Variants in ITGAE observed in about 807,000 individuals in gnomAD.
The protein encoded by ITGAE is integrin alpha-E.
A neutral mutation model predicts 136.5 loss-of-function variants in ITGAE; 99 were observed. The ratio of observed to expected loss-of-function variants is 0.73; its 90% CI spans 0.62 to 0.86. The LOEUF (loss-of-function observed/expected upper bound fraction) is 0.86. Ranked by LOEUF, ITGAE falls within the 40% of genes least tolerant of loss-of-function variation. The pLI, the probability that ITGAE is intolerant of heterozygous loss-of-function variation, is 0.00. For synonymous variants in ITGAE, 613 were observed against 591.8 expected (o/e 1.04, Z -0.52); for missense variants, 1,447 against 1,515.3 (o/e 0.95, Z 0.75).
chr17:3,737,184 A>C (rs80083807), intron 20 of ITGAE, among the ~76,000 whole-genome samples: 6 of 152,112 alleles, frequency 3.9e-5, no homozygotes, highest in Non-Finnish European at 7.4e-5. Flanking sequence ...TCCCAGCTAC[A>C]CAGGAGGCTG....
chr17:3,772,656 G>T (rs935660877), intron 2 of ITGAE, among the ~76,000 whole-genome samples: 2 of 152,048 alleles, frequency 1.3e-5, no homozygotes, highest in Admixed American at 1.3e-4. Flanking sequence ...TAGGGACAAG[G>T]CTTCAGCATA....
intron 19 of ITGAE, among the ~76,000 whole-genome samples, chr17:3,741,570 CTT>C (rs2051590084): frequency 6.6e-6 from 1 of 152,118 alleles, no homozygotes. Flanking sequence ...TTAAAAATCT[CTT>C]TGCCATAGCA....
rs1457410739 is a variant in ITGAE at position 3,724,496 on chromosome 17, C to A, written c.3085-752G>T. On this transcript the variant is annotated intron_variant, in intron 26 of 30. Coordinates refer to ENST00000263087, the MANE Select transcript of ITGAE (RefSeq NM_002208.5). ...CCCCAACGCCAAGGGACAGTGTCATCTCGATCGGCACCTCCGCCTGTCTGG... is the reference window on the plus strand; with the variant it reads ...CCCCAACGCCAAGGGACAGTGTCATATCGATCGGCACCTCCGCCTGTCTGG... 1.9e-6 allele frequency: 3 copies of A among 1,613,882 alleles called. No homozygotes were observed. The East Asian group carries it at 6.7e-5, about 36-fold the overall frequency.
chr17:3,749,549 G>A (rs1390800079), intron 16 of ITGAE, among the ~76,000 whole-genome samples: 1 of 152,040 alleles, frequency 6.6e-6, no homozygotes, highest in Non-Finnish European at 1.5e-5. Context: ...ACTGCGCCCA[G>A]CAAAAGCTCT....
intron 10 of ITGAE, among the ~76,000 whole-genome samples, chr17:3,756,548 T>G (rs2052031903): frequency 1.3e-5 from 2 of 152,012 alleles, no homozygotes; most frequent in Non-Finnish European, 2.9e-5. Flanking sequence ...ATCACAGGCA[T>G]GCACCACCAC....
chr17:3,721,985 G>T (rs2051061100), intron 28 of ITGAE, among the ~76,000 whole-genome samples: 1 of 151,924 alleles, frequency 6.6e-6, no homozygotes, highest in Non-Finnish European at 1.5e-5. Flanking sequence ...TTCAAGACCA[G>T]CCTCACCAAC....
intron 3 of ITGAE, among the ~76,000 whole-genome samples, chr17:3,762,852 G>A (rs2052209013): frequency 6.6e-6 from 1 of 151,254 alleles, no homozygotes; most frequent in South Asian, 2.1e-4. Flanking sequence ...GCCCACCTCA[G>A]CCTCCCAAAG....
At chr17:3,728,267 A>G (rs2051261173) in intron 24 of ITGAE, 99 bp from the exon 25 acceptor site, 11 of 919,806 alleles carry the variant, frequency 1.2e-5, no homozygotes, top group Admixed American at 3.4e-5. Context: ...ACAGTGGAAC[A>G]ATCATGGCTC....
intron 2 of ITGAE, among the ~76,000 whole-genome samples, chr17:3,769,635 C>T (rs755736601): frequency 6.6e-6 from 1 of 152,096 alleles, no homozygotes; most frequent in South Asian, 2.1e-4. Flanking sequence ...TACAGCCCAG[C>T]AACCCTTGTC....
intron 2 of ITGAE, among the ~76,000 whole-genome samples, chr17:3,772,756 G>A (rs922534531): frequency 4.6e-5 from 7 of 152,054 alleles, no homozygotes; most frequent in Admixed American, 4.6e-4. Flanking sequence ...GAGCCACCGC[G>A]CCTGGCAGTG....
rs776730369 is a variant in ITGAE, at chr17:3,734,805, C to T, written c.2655+12G>A. ...GTGAGGGACCTGTTTCCACAGCCACCGTCACAGTCACCTTTTGCATCCTCT... is the reference window on the plus strand; with the variant it reads ...GTGAGGGACCTGTTTCCACAGCCACTGTCACAGTCACCTTTTGCATCCTCT... On this transcript the variant is annotated intron_variant, in intron 21 of 30. Transcript: ENST00000263087. 8 of 1,613,892 alleles carry T rather than the reference C, an allele frequency of 5.0e-6. No individual in the cohort carries two copies. Among genetic ancestry groups the T allele is most frequent in the East Asian group, 4.5e-5 (2 of 44,882 alleles).
chr17:3,720,603 A>G, intron 28 of ITGAE: 1 of 397,484 alleles, frequency 2.5e-6, no homozygotes, highest in Non-Finnish European at 4.5e-6. Context: ...TTTTTTTGAG[A>G]TGGAGTTTCG....
In ITGAE at chr17:3,755,169, G is replaced by C; in HGVS notation, c.1332C>G (p.Asn444Lys). 1 of 1,540,192 alleles carries C rather than the reference G, an allele frequency of 6.5e-7. No individual in the cohort carries two copies. Among genetic ancestry groups the C allele is most frequent in the African/African-American group, 1.4e-5 (1 of 71,608 alleles). Residue 444 changes from asparagine (N) to lysine (K), a missense_variant, in exon 12 of 31, where the codon AAC becomes AAG. Around this residue, in one of 3 missense-constraint regions of ITGAE, gnomAD observed 1,031 missense variants for 1,011.4 expected, o/e 1.02. Transcript: ENST00000263087. ...CGTCTGCCGCCGCCGCCGCTGTCTG[G>C]TTCAGGAAGCGGCCCCGGCGGCTGC... ...DTRSRRGRFLNQTAAAAADAE... is the reference protein window; with the variant it reads ...DTRSRRGRFLKQTAAAAADAE...
At chr17:3,743,801 C>A (rs1031727255) in intron 18 of ITGAE, among the ~76,000 whole-genome samples, 184 bp from the exon 19 acceptor site, 1 of 143,842 alleles carries the variant, frequency 7.0e-6, no homozygotes, top group African/African-American at 2.6e-5. Context: ...CTCCCGGGTT[C>A]AAGCGATTCT....
chr17:3,748,043 A>G lies in ITGAE; in HGVS notation c.2034T>C (p.Pro678=), dbSNP rs184482413. The G allele has an allele frequency of 1.2e-6, 2 of 1,609,318 alleles. No homozygotes were observed. The highest frequency in any genetic ancestry group is 1.3e-5 in the African/African-American group (1 of 74,882). Residue 678 remains proline (P), a synonymous_variant, in exon 17 of 31, where the codon CCT becomes CCC. Coordinates refer to ENST00000263087, the MANE Select transcript of ITGAE (RefSeq NM_002208.5). ...CCATGGAGACCTTCAGGCGAACCAC[A>G]GGCCGGGAGCTAAACAAGACAGCAA... ...LGQAVVFRSR[P]VVRLKVSMAF...
intron 26 of ITGAE, among the ~76,000 whole-genome samples, chr17:3,727,435 T>C (rs1371455406): frequency 6.6e-6 from 1 of 151,600 alleles, no homozygotes; most frequent in Admixed American, 6.6e-5. Context: ...AGTCTCACTC[T>C]GTCTCCCAGG....
chr17:3,730,802 G>A (rs2976234), intron 23 of ITGAE, among the ~76,000 whole-genome samples: 114,887 of 152,154 alleles, frequency 0.76, 44,716 homozygotes, highest in African/African-American at 0.93. Flanking sequence ...GGTCTTGCAG[G>A]TAACATAGCT....
At chr17:3,721,350 A>G (rs2051047739) in intron 28 of ITGAE, among the ~76,000 whole-genome samples, 1 of 136,630 alleles carries the variant, frequency 7.3e-6, no homozygotes, top group Admixed American at 8.1e-5. Context: ...TAGCTCACTG[A>G]AGCTTCAAAT....
rs1170534844 is a variant in ITGAE at position 3,723,383 on chromosome 17, G to C, written c.3142C>G (p.His1048Asp). ...CTCACTGAATGCCATTCTTCCACAT[G>C]CTGGAAAAGCGAGGTCTAGTGAACA... is the stretch of plus-strand genomic sequence containing the variant. Reference protein sequence around the residue: ...ERACAYSSVQHVEEWHSVSCV... With the variant: ...ERACAYSSVQDVEEWHSVSCV... The change falls in exon 28 of 31, where the codon CAT becomes GAT. Residue 1048 changes from histidine to aspartate, a missense_variant and splice_region_variant. Coordinates refer to ENST00000263087, the MANE Select transcript of ITGAE (RefSeq NM_002208.5). 1 of 1,608,344 alleles carries C rather than the reference G, an allele frequency of 6.2e-7. No homozygotes were observed. The highest frequency in any genetic ancestry group is 8.5e-7 in the Non-Finnish European group (1 of 1,174,888).
Sources: gnomAD v4.1 joint callset for allele counts (sites outside exome capture counted in the v4.1 genomes callset) on GRCh38, gnomAD v4.1.1 for gene constraint, gnomAD v4.1.1 regional missense constraint, MANE v1.5 for transcripts, NCBI Gene and HGNC (gene_info 2026-07-23, HGNC 2026-07-21) for gene names.